Variants in ETV5 observed in about 807,000 individuals in gnomAD.
ETV5 encodes the protein ETS translocation variant 5.
A neutral mutation model predicts 70.0 loss-of-function variants in ETV5; 10 were observed. The observed-to-expected ratio is 0.14, with a 90% CI of 0.09 to 0.24. The LOEUF (loss-of-function observed/expected upper bound fraction) is 0.24. Among genes scored for constraint, ETV5 ranks in the 10% least tolerant of loss-of-function variants. The pLI is 1.00. For missense variants in ETV5, 453 were observed against 651.2 expected, an observed-to-expected ratio of 0.70 and a Z score of 3.31; for synonymous variants, 216 against 242.2, an observed-to-expected ratio of 0.89 and a Z score of 1.01.
intron 8 of ETV5, among the ~76,000 whole-genome samples, chr3:186,065,611 T>A (rs1010150405): frequency 1.3e-5 from 2 of 152,198 alleles, no homozygotes; most frequent in Non-Finnish European, 2.9e-5. Flanking sequence ...CTTACATAGC[T>A]TTTCTGTTTT....
intron 1 of ETV5, among the ~76,000 whole-genome samples, chr3:186,106,337 TAC>T (rs566668785): frequency 1.9e-3 from 296 of 152,330 alleles, no homozygotes; most frequent in Non-Finnish European, 2.8e-3. Context: ...TTTTTGACAG[TAC>T]AGTGTCAGGA....
chr3:186,059,044 TA>T (rs1217772566), intron 9 of ETV5, among the ~76,000 whole-genome samples: 1 of 147,358 alleles, frequency 6.8e-6, no homozygotes, highest in Non-Finnish European at 1.5e-5. Context: ...AAATAAAAAA[TA>T]AAAAAAAAGA....
intron 7 of ETV5, among the ~76,000 whole-genome samples, chr3:186,078,835 G>A (rs1424340163): frequency 6.6e-6 from 1 of 152,030 alleles, no homozygotes; most frequent in Non-Finnish European, 1.5e-5. Flanking sequence ...AACGGGAAGG[G>A]GATCAGAACC....
chr3:186,078,995 C>T (rs760441242), intron 7 of ETV5: 39 of 1,014,212 alleles, frequency 3.8e-5, no homozygotes, highest in Admixed American at 5.4e-5. Flanking sequence ...GCCCCCACAC[C>T]GATCCACCTA....
At chr3:186,080,787 T>G (rs910935762) in intron 6 of ETV5, 1 of 284,312 alleles carries the variant, frequency 3.5e-6, no homozygotes. Flanking sequence ...GGATTGAGAC[T>G]CTTTCCCTAG....
At position 186,058,000 on chromosome 3, in the gene ETV5, T is replaced by C. The variant is rs1017661396; in HGVS notation, c.971-509A>G. Among the ~76,000 whole-genome samples the C allele has an allele frequency of 1.3e-5, 2 of 152,200 alleles. No homozygotes were observed. The highest frequency in any genetic ancestry group is 1.3e-4 in the Admixed American group (2 of 15,280). On this transcript the variant is annotated intron_variant, in intron 9 of 12. Coordinates refer to ENST00000306376, the MANE Select transcript of ETV5 (RefSeq NM_004454.3). The surrounding 1 kb of genome is among the most constrained non-coding windows in gnomAD (Gnocchi z 4.9). ...GGGTAAAGAATGTTGCCAAAATGAATAAAGACTTGGGCCTGTAGAGGATTT... is the reference window on the plus strand; with the variant it reads ...GGGTAAAGAATGTTGCCAAAATGAACAAAGACTTGGGCCTGTAGAGGATTT...
chr3:186,108,512 C>A, intron 1 of ETV5: 1 of 1,287,772 alleles, frequency 7.8e-7, no homozygotes, highest in Non-Finnish European at 1.0e-6. Context: ...CAGACATTCC[C>A]CTCAAACTGC....
Position 186,087,483 on chromosome 3 carries a change from T to C in ETV5, c.233-6308A>G, listed in dbSNP as rs565424752. On this transcript the variant is annotated intron_variant, in intron 5 of 12. Transcript: ENST00000306376. ...ATTTCTGTATGTTACTTCAATTAAA[T>C]TTCTACTTTTTAAAAAAGCAGCCTG... 2.6e-5 allele frequency among the ~76,000 whole-genome samples: 4 copies of C among 152,308 alleles called. No individual in the cohort carries two copies. The South Asian group carries it at 8.3e-4, about 32-fold the overall frequency.
At chr3:186,072,290 G>A (rs1048248832) in intron 7 of ETV5, among the ~76,000 whole-genome samples, 3 of 151,738 alleles carry the variant, frequency 2.0e-5, no homozygotes, top group African/African-American at 4.8e-5. Context: ...GCTGAGGCAG[G>A]AGAACTGCTT....
rs1713895978 is a variant in ETV5 at position 186,080,113 on chromosome 3, A to C, written c.363-9T>G. ...GCTTCCTATCATAGGCACTGTAAAC[A>C]GAAAAAGAGAAGGAACCATTAAGCT... On this transcript the variant is annotated splice_polypyrimidine_tract_variant and intron_variant, in intron 6 of 12. Transcript: ENST00000306376. The C allele has an allele frequency of 6.8e-7, 1 of 1,460,842 alleles. No homozygotes were observed. The highest frequency in any genetic ancestry group is 9.0e-7 in the Non-Finnish European group (1 of 1,111,970). The allele number at this position is 1,460,842 out of a possible 1,614,324, so 90.5% of individuals were successfully genotyped here.
At chr3:186,080,818 A>G (rs1002589802) in intron 6 of ETV5, 3 of 375,628 alleles carry the variant, frequency 8.0e-6, no homozygotes, top group Non-Finnish European at 1.5e-5. Flanking sequence ...TACCCTATGA[A>G]CTTAGTGCTC....
At chr3:186,083,085 C>A (rs1236821763) in intron 5 of ETV5, among the ~76,000 whole-genome samples, 1 of 152,206 alleles carries the variant, frequency 6.6e-6, no homozygotes, top group Non-Finnish European at 1.5e-5. Context: ...GATATTCAGA[C>A]ACAGAAAATA....
At chr3:186,107,808 T>G (rs1714626497) in intron 1 of ETV5, among the ~76,000 whole-genome samples, 1 of 151,980 alleles carries the variant, frequency 6.6e-6, no homozygotes, top group Non-Finnish European at 1.5e-5. Context: ...GTAGAGGCTG[T>G]AACTGGATCT....
intron 5 of ETV5, among the ~76,000 whole-genome samples, chr3:186,085,621 A>G (rs1166120729): frequency 6.8e-6 from 1 of 147,876 alleles, no homozygotes; most frequent in Non-Finnish European, 1.5e-5. Context: ...TGATTCTCCT[A>G]TCTCAGCCTC....
At chr3:186,101,252 A>C (rs757367000) in intron 5 of ETV5, among the ~76,000 whole-genome samples, 7 of 152,170 alleles carry the variant, frequency 4.6e-5, no homozygotes, top group Admixed American at 6.5e-5. Context: ...TACACACGAA[A>C]GGTGTCTTCT....
At chr3:186,079,204 G>T in intron 7 of ETV5, 1 of 546,742 alleles carries the variant, frequency 1.8e-6, no homozygotes, top group South Asian at 8.5e-5. Flanking sequence ...GTGCAGAGAA[G>T]GTTCCCTTCA....
intron 5 of ETV5, 88 bp from the exon 6 acceptor site, chr3:186,081,263 C>T (rs1713928557): frequency 2.2e-6 from 3 of 1,350,754 alleles, no homozygotes; most frequent in Non-Finnish European, 9.9e-7. Context: ...AACCTTCTAA[C>T]TAGCTGATTG....
At chr3:186,103,372 A>G (rs1714508840) in intron 5 of ETV5, among the ~76,000 whole-genome samples, 1 of 152,208 alleles carries the variant, frequency 6.6e-6, no homozygotes, top group Non-Finnish European at 1.5e-5. Context: ...GCTTGCTGAC[A>G]AAGAACATAC....
rs1712934591 is a variant in ETV5 at position 186,048,451 on chromosome 3, C to T, written c.*188G>A. 1.7e-6 allele frequency: 1 copy of T among 599,892 alleles called. No homozygotes were observed. Among genetic ancestry groups the T allele is most frequent in the Non-Finnish European group, 3.0e-6 (1 of 338,492 alleles). 37.2% of individuals were successfully genotyped at this position (599,892 alleles called of 1,614,324 possible). ...GCCTTTTGGTGGTTTTCTGCCCCTC[C>T]CTGTTCCCACTCCCCAGCCAATGTA... On this transcript the variant is annotated 3_prime_UTR_variant, in exon 13 of 13. Transcript: ENST00000306376.
Sources: gnomAD v4.1 joint callset for allele counts (sites outside exome capture counted in the v4.1 genomes callset) on GRCh38, gnomAD v4.1.1 for gene constraint, Gnocchi (gnomAD v3.1) non-coding constraint, MANE v1.5 for transcripts, NCBI Gene and HGNC (gene_info 2026-07-23, HGNC 2026-07-21) for gene names.